The following PALM2AKAP2 variants were observed in gnomAD, a reference collection of about 807,000 sequenced individuals.
PALM2AKAP2 encodes PALM2-AKAP2 fusion protein.
Under a neutral mutation model 71.5 loss-of-function variants are expected in PALM2AKAP2, and 37 were observed. The observed-to-expected ratio is 0.52, with a 90% CI of 0.40 to 0.68. The LOEUF (loss-of-function observed/expected upper bound fraction) is 0.68. Among genes scored for constraint, PALM2AKAP2 ranks in the 30% least tolerant of loss-of-function variants. The probability of loss-of-function intolerance (pLI) is 0.00; values close to 1 mark genes in which losing one functional copy is unlikely to be tolerated. For synonymous variants in PALM2AKAP2, 468 were observed against 478.8 expected (o/e 0.98, Z 0.29); for missense variants, 1,224 against 1,191.8 (o/e 1.03, Z -0.40).
At chr9:109,658,293 T>A (rs1827337935) in intron 1 of PALM2AKAP2, among the ~76,000 whole-genome samples, 1 of 152,058 alleles carries the variant, frequency 6.6e-6, no homozygotes, top group Non-Finnish European at 1.5e-5. Context: ...TGAGTGTAGG[T>A]AGTATAGACA....
chr9:109,896,752 A>G (rs1475116950), intron 3 of PALM2AKAP2, among the ~76,000 whole-genome samples: 1 of 152,090 alleles, frequency 6.6e-6, no homozygotes, highest in Non-Finnish European at 1.5e-5. Flanking sequence ...TTGAGTCTGC[A>G]GTGAGCTATG....
chr9:110,171,593 C>CTA (rs1191825537), exon 4 of PALM2AKAP2: 1 of 152,178 alleles, frequency 6.6e-6, no homozygotes, highest in African/African-American at 2.4e-5. Context: ...TAGCACCGTG[C>CTA]TAGGCTCTGG....
rs180921484 is a variant in PALM2AKAP2 at position 110,063,023 on chromosome 9, G to T, written c.156+14168G>T. ...CACCCAGGCCCTGCCAGACTCAAAA[G>T]CATATCTGATTGTTCCCCTACCCCA... is the stretch of plus-strand genomic sequence containing the variant. On this transcript the variant is annotated intron_variant, in intron 1 of 3. Transcript: ENST00000374525. Among the ~76,000 whole-genome samples the T allele has an allele frequency of 1.6e-4, 25 of 152,264 alleles. 1 individual carries two copies. In the East Asian group the frequency reaches 4.4e-3, roughly 27 times the overall value.
chr9:110,063,849 C>T (rs1019991229), intron 1 of PALM2AKAP2, among the ~76,000 whole-genome samples: 9 of 152,202 alleles, frequency 5.9e-5, no homozygotes, highest in Non-Finnish European at 1.3e-4. Context: ...CAAATACCAT[C>T]ACACTCAGAA....
intron 1 of PALM2AKAP2, among the ~76,000 whole-genome samples, chr9:109,816,571 A>C (rs932606839): frequency 1.3e-5 from 2 of 152,184 alleles, no homozygotes; most frequent in Non-Finnish European, 2.9e-5. Context: ...ATCGTTGAGG[A>C]GAGTGAAGAT....
exon 2 of PALM2AKAP2, chr9:110,137,847 G>A (rs1186279535): frequency 8.7e-6 from 14 of 1,614,022 alleles, no homozygotes; most frequent in African/African-American, 2.7e-5. Flanking sequence ...GAGGGCCGAG[G>A]AGAAGGCGTC....
intron 3 of PALM2AKAP2, among the ~76,000 whole-genome samples, chr9:109,914,282 A>G (rs1207520705): frequency 6.6e-6 from 1 of 152,210 alleles, no homozygotes; most frequent in Non-Finnish European, 1.5e-5. Context: ...TGAAGAAAGA[A>G]CTGGAGAAGA....
At chr9:109,992,863 C>A (rs543069282) in intron 6 of PALM2AKAP2, among the ~76,000 whole-genome samples, 1 of 151,798 alleles carries the variant, frequency 6.6e-6, no homozygotes. Flanking sequence ...TGAAATGTCA[C>A]ATGCACGGAA....
chr9:109,808,285 G>T (rs796672405), intron 1 of PALM2AKAP2, among the ~76,000 whole-genome samples: 4 of 152,352 alleles, frequency 2.6e-5, no homozygotes, highest in African/African-American at 9.6e-5. Flanking sequence ...CCAAAATGCT[G>T]ATAGTGATAT....
At chr9:109,932,061 G>T (rs369606105) in intron 6 of PALM2AKAP2, 33 bp downstream of exon 6, 16 of 1,577,644 alleles carry the variant, frequency 1.0e-5, no homozygotes, top group Non-Finnish European at 1.4e-5. Flanking sequence ...CGCTAGGATG[G>T]TCCAAGGGGC....
At chr9:109,688,377 G>A (rs1344875104) in intron 1 of PALM2AKAP2, among the ~76,000 whole-genome samples, 1 of 152,242 alleles carries the variant, frequency 6.6e-6, no homozygotes, top group Admixed American at 6.5e-5. Context: ...ACCAAACTTT[G>A]AGAAGCATTG....
chr9:110,059,962 T>A (rs187552193), intron 1 of PALM2AKAP2, among the ~76,000 whole-genome samples: 22 of 152,282 alleles, frequency 1.4e-4, no homozygotes, highest in Admixed American at 1.4e-3. Context: ...TAGAAACAAT[T>A]TTTAAAATAT....
chr9:110,051,422 T>C (rs7872174), intron 1 of PALM2AKAP2, among the ~76,000 whole-genome samples: 4,207 of 152,328 alleles, frequency 0.028, 190 homozygotes, highest in African/African-American at 0.092. Flanking sequence ...TGCAAACACT[T>C]TGGTCTTTCT....
At position 110,083,831 on chromosome 9, in the gene PALM2AKAP2, C is replaced by T. The variant is rs1223208779; in HGVS notation, c.156+34976C>T. Among the ~76,000 whole-genome samples the T allele has an allele frequency of 2.0e-5, 3 of 152,358 alleles. No homozygotes were observed. The South Asian group carries it at 6.2e-4, about 32-fold the overall frequency. ...AACTAGAATTGTATATTCCATCACA[C>T]TCTTGTGAGGGTAGAATAATGCATT... On this transcript the variant is annotated intron_variant, in intron 1 of 3. Transcript: ENST00000374525.
intron 7 of PALM2AKAP2, among the ~76,000 whole-genome samples, chr9:110,035,315 CATATGTATT>C (rs1833365668): frequency 1.3e-5 from 1 of 76,684 alleles, no homozygotes; most frequent in South Asian, 4.0e-4. Context: ...ATATTACATA[CATATGTATT>C]ATATGTATAA....
intron 3 of PALM2AKAP2, among the ~76,000 whole-genome samples, chr9:110,164,096 G>A (rs968047677): frequency 2.6e-5 from 4 of 152,132 alleles, no homozygotes; most frequent in African/African-American, 9.7e-5. Context: ...TGAATACTGA[G>A]AATATCATTC....
At chr9:109,765,001 C>T (rs1302467661) in intron 1 of PALM2AKAP2, among the ~76,000 whole-genome samples, 1 of 152,148 alleles carries the variant, frequency 6.6e-6, no homozygotes, top group African/African-American at 2.4e-5. Flanking sequence ...ATCTGAACTG[C>T]CCCATAGATG....
intron 3 of PALM2AKAP2, among the ~76,000 whole-genome samples, chr9:109,896,166 C>A (rs1054688546): frequency 6.6e-6 from 1 of 151,982 alleles, no homozygotes; most frequent in Non-Finnish European, 1.5e-5. Flanking sequence ...GCCTGGGCAA[C>A]AAGAGTGAAA....
In PALM2AKAP2 at chr9:109,835,631, C is replaced by T. The variant is rs537043016; in HGVS notation, c.46-31860C>T. Among the ~76,000 whole-genome samples, 15 of 152,252 alleles carry T rather than the reference C, an allele frequency of 9.9e-5. No individual in the cohort carries two copies. In the South Asian group the frequency reaches 1.4e-3, roughly 15 times the overall value. On this transcript the variant is annotated intron_variant, in intron 1 of 9. Coordinates refer to the PALM2AKAP2 transcript ENST00000302798. ...GGGTCAGGGAATTCCCTTTCCTAGC[C>T]AAGGGAATCTGTGACAGACAGCACC...
Sources: gnomAD v4.1 joint callset for allele counts (sites outside exome capture counted in the v4.1 genomes callset) on GRCh38, gnomAD v4.1.1 for gene constraint, MANE v1.5 for transcripts, NCBI Gene and HGNC (gene_info 2026-07-23, HGNC 2026-07-21) for gene names.